Variants in OLFML2A observed in about 807,000 individuals in gnomAD.
The protein encoded by OLFML2A is olfactomedin like 2A.
In OLFML2A, 47 loss-of-function variants were observed where a neutral mutation model predicts 60.9. That is an observed-to-expected ratio of 0.77 (90% CI 0.61 to 0.98). The LOEUF is 0.98. Among genes scored for constraint, OLFML2A ranks in the 50% least tolerant of loss-of-function variants. The pLI is 0.00. For synonymous variants in OLFML2A, 372 were observed against 375.0 expected (o/e 0.99, Z 0.09); for missense variants, 922 against 879.8 (o/e 1.05, Z -0.61).
intron 6 of OLFML2A, among the ~76,000 whole-genome samples, chr9:124,805,370 A>C (rs1287653121): frequency 6.6e-6 from 1 of 152,198 alleles, no homozygotes; most frequent in African/African-American, 2.4e-5. Context: ...AATAACACGA[A>C]GGGCTGACAT....
intron 5 of OLFML2A, 63 bp from the exon 6 acceptor site, chr9:124,804,031 T>C (rs1841836306): frequency 6.3e-7 from 1 of 1,579,492 alleles, no homozygotes; most frequent in Non-Finnish European, 8.6e-7. Flanking sequence ...CAGTGGACCT[T>C]AGGGAGACCC....
At chr9:124,800,251 C>T (rs1028768981) in intron 4 of OLFML2A, among the ~76,000 whole-genome samples, 2 of 152,246 alleles carry the variant, frequency 1.3e-5, no homozygotes, top group Non-Finnish European at 1.5e-5. Flanking sequence ...CCCATTCAGG[C>T]TCCTCTGGCC....
At chr9:124,782,279 C>T (rs1425509465) in intron 1 of OLFML2A, among the ~76,000 whole-genome samples, 3 of 152,176 alleles carry the variant, frequency 2.0e-5, no homozygotes, top group African/African-American at 7.2e-5. Flanking sequence ...TGGGCAAGCC[C>T]CTAGTCTTCT....
At chr9:124,800,766 C>T in intron 4 of OLFML2A, 2 of 1,181,916 alleles carry the variant, frequency 1.7e-6, no homozygotes, top group Non-Finnish European at 2.2e-6. Flanking sequence ...GCTGGAGCTT[C>T]TGCCTAACGA....
At chr9:124,792,412 G>T (rs1564283949) in intron 2 of OLFML2A, among the ~76,000 whole-genome samples, 1 of 152,220 alleles carries the variant, frequency 6.6e-6, no homozygotes, top group African/African-American at 2.4e-5. Flanking sequence ...GGATGCCTAT[G>T]TGTCACTACC....
chr9:124,788,379 G>A (rs531791557), intron 2 of OLFML2A, among the ~76,000 whole-genome samples: 5 of 152,114 alleles, frequency 3.3e-5, no homozygotes, highest in South Asian at 4.1e-4. Context: ...AGACTGAGGC[G>A]GGTGGATCAC....
Position 124,779,216 on chromosome 9 carries a change from G to A in OLFML2A, c.90+1856G>A, listed in dbSNP as rs1479339149. ...GCTATTCTTCTGCTGTGTGACCTTG[G>A]GCAAATCACTGCCTGTCTCTGGGCT... On this transcript the variant is annotated intron_variant, in intron 1 of 7. Transcript: ENST00000373580. This position sits in a 1 kb window ranked among gnomAD's most constrained non-coding sequence, Gnocchi z 4.1. Among the ~76,000 whole-genome samples the A allele has an allele frequency of 6.6e-6, 1 of 152,122 alleles. No individual in the cohort carries two copies. The highest frequency in any genetic ancestry group is 1.9e-4 in the East Asian group (1 of 5,204).
At chr9:124,797,154 T>G (rs1841683783) in intron 3 of OLFML2A, among the ~76,000 whole-genome samples, 1 of 152,154 alleles carries the variant, frequency 6.6e-6, no homozygotes, top group Non-Finnish European at 1.5e-5. Flanking sequence ...TAGTTTTTTG[T>G]GTTTTTTGTA....
intron 1 of OLFML2A, among the ~76,000 whole-genome samples, chr9:124,784,943 G>GTTTTTTTTGTTTTTTTT (rs1841429970): frequency 2.9e-5 from 2 of 69,542 alleles, no homozygotes; most frequent in African/African-American, 1.3e-4. Flanking sequence ...CCTTTTACTT[G>GTTTTTTTTGTTTTTTTT]TTTTTTTTTT....
intron 3 of OLFML2A, among the ~76,000 whole-genome samples, chr9:124,796,292 T>A (rs1298659903): frequency 4.6e-5 from 7 of 152,188 alleles, no homozygotes; most frequent in Admixed American, 4.6e-4. Flanking sequence ...CTTGGTGAAT[T>A]TCTTCTGTGT....
rs573332686 is a variant in OLFML2A, at chr9:124,810,603, C to T, written c.*191C>T. 1.8e-5 allele frequency: 11 copies of T among 609,646 alleles called. No individual in the cohort carries two copies. The highest frequency in any genetic ancestry group is 5.5e-5 in the African/African-American group (3 of 54,104). 37.8% of individuals were successfully genotyped at this position (609,646 alleles called of 1,614,324 possible). A position where few individuals can be genotyped will look rare whatever the true frequency, so the allele number is the denominator to read the frequency against. On this transcript the variant is annotated 3_prime_UTR_variant, in exon 8 of 8. Transcript: ENST00000373580. ...ATACTTGCTTCCACTTGCAGAGCAC[C>T]GTGCCAAGCACTTCCCACACACTTA...
chr9:124,783,718 A>G (rs1841404129), intron 1 of OLFML2A, among the ~76,000 whole-genome samples: 1 of 152,170 alleles, frequency 6.6e-6, no homozygotes, highest in African/African-American at 2.4e-5. Flanking sequence ...CCCAACAGAT[A>G]TTTACAGAGC....
intron 6 of OLFML2A, among the ~76,000 whole-genome samples, chr9:124,806,934 G>T (rs1205301631): frequency 6.6e-6 from 1 of 150,936 alleles, no homozygotes; most frequent in African/African-American, 2.4e-5. Context: ...TTTTTTTTGA[G>T]GCGGTGTCTT....
Position 124,797,356 on chromosome 9 carries a change from G to A in OLFML2A, c.463-1929G>A, listed in dbSNP as rs145235106. 4.3e-4 allele frequency among the ~76,000 whole-genome samples: 65 copies of A among 152,268 alleles called. No homozygotes were observed. In the East Asian group the frequency reaches 0.012, roughly 28 times the overall value. ...CTCACAGTGACCCTGCCATTTAGTT[G>A]TTAGTATGATGACATAATAGCCCAC... is the stretch of plus-strand genomic sequence containing the variant. On this transcript the variant is annotated intron_variant, in intron 3 of 7. Coordinates refer to ENST00000373580, the MANE Select transcript of OLFML2A (RefSeq NM_182487.4).
chr9:124,786,448 C>T (rs1292266514), intron 1 of OLFML2A, among the ~76,000 whole-genome samples: 1 of 151,724 alleles, frequency 6.6e-6, no homozygotes, highest in Admixed American at 6.6e-5. Context: ...GGGCCGGGCG[C>T]GGTGGCTCAC....
rs549336587 is a variant in OLFML2A, at chr9:124,809,356, G to A, written c.1355-452G>A. On this transcript the variant is annotated intron_variant, in intron 7 of 7. Coordinates refer to ENST00000373580, the MANE Select transcript of OLFML2A (RefSeq NM_182487.4). ...GGATAAAAGACAAAGGGTTATGGGA[G>A]GCTGGAGGAGAGGCCCCTCACTCAG... is the stretch of plus-strand genomic sequence containing the variant. 3.3e-5 allele frequency among the ~76,000 whole-genome samples: 5 copies of A among 152,200 alleles called. No homozygotes were observed. In the South Asian group the frequency reaches 1.0e-3, roughly 32 times the overall value.
At position 124,810,075 on chromosome 9, in the gene OLFML2A, A is replaced by C; in HGVS notation, c.1622A>C (p.Asp541Ala). 1 of 1,613,820 alleles carries C rather than the reference A, an allele frequency of 6.2e-7. No homozygotes were observed. The highest frequency in any genetic ancestry group is 8.5e-7 in the Non-Finnish European group (1 of 1,179,996). The part of the protein sequence containing the change: ...WVIYPAVDDR[D>A]EAQPEVIVLS... ...ATCTACCCCGCCGTGGACGACCGCG[A>C]TGAGGCCCAGCCCGAGGTGATCGTC... The change falls in exon 8 of 8, where the codon GAT becomes GCT. Residue 541 changes from aspartate to alanine, a missense_variant. Coordinates refer to ENST00000373580, the MANE Select transcript of OLFML2A (RefSeq NM_182487.4).
chr9:124,798,843 T>C (rs900292508), intron 3 of OLFML2A, among the ~76,000 whole-genome samples: 7 of 152,098 alleles, frequency 4.6e-5, no homozygotes, highest in African/African-American at 1.4e-4. Flanking sequence ...CGGAGCACTA[T>C]ATATGCAGAT....
intron 3 of OLFML2A, among the ~76,000 whole-genome samples, chr9:124,796,096 TG>T (rs1239856583): frequency 6.6e-6 from 1 of 152,172 alleles, no homozygotes; most frequent in Non-Finnish European, 1.5e-5. Context: ...GGAGCGGGCG[TG>T]GGGGCTTCCT....
Sources: gnomAD v4.1 joint callset for allele counts (sites outside exome capture counted in the v4.1 genomes callset) on GRCh38, gnomAD v4.1.1 for gene constraint, Gnocchi (gnomAD v3.1) non-coding constraint, MANE v1.5 for transcripts, NCBI Gene and HGNC (gene_info 2026-07-23, HGNC 2026-07-21) for gene names.